PCDHGB5: variants seen among roughly 807,000 people sequenced by gnomAD.
The protein encoded by PCDHGB5 is protocadherin gamma subfamily B, 5.
A neutral mutation model predicts 62.9 loss-of-function variants in PCDHGB5; 48 were observed. That is an observed-to-expected ratio of 0.76 (90% CI 0.61 to 0.97). PCDHGB5 has a LOEUF of 0.97. PCDHGB5 is among the 50% of genes least tolerant of loss of function. The probability of loss-of-function intolerance (pLI) is 0.00; values close to 1 mark genes in which losing one functional copy is unlikely to be tolerated. For missense variants in PCDHGB5, 1,118 were observed against 1,198.6 expected (o/e 0.93, Z 0.99); for synonymous variants, 474 against 511.2 (o/e 0.93, Z 0.98).
At chr5:141,413,385 A>G (rs1328460811) in intron 1 of PCDHGB5, 23 of 1,613,870 alleles carry the variant, frequency 1.4e-5, no homozygotes, top group Non-Finnish European at 1.8e-5. Flanking sequence ...GAGTCCGCAT[A>G]GTCTCCAGAG....
chr5:141,423,758 G>GGGT, intron 1 of PCDHGB5: 1 of 366,842 alleles, frequency 2.7e-6, no homozygotes, highest in Non-Finnish European at 3.8e-6. Context: ...TTTGGGGGGG[G>GGGT]GGTGGGGCGG....
rs1460626002 is a variant in PCDHGB5, at chr5:141,486,935, C to A, written c.2398-7872C>A. ...ACTGCCTCCATCAGTTGGTGCTGGC[C>A]ACCTAATCACAAAGGTGACTGCTGT... On this transcript the variant is annotated intron_variant, in intron 1 of 3. Transcript: ENST00000617380. This position sits in a 1 kb window ranked among gnomAD's most constrained non-coding sequence, Gnocchi z 5.0. 5 of 1,614,228 alleles carry A rather than the reference C, an allele frequency of 3.1e-6. No individual in the cohort carries two copies. The highest frequency in any genetic ancestry group is 4.2e-6 in the Non-Finnish European group (5 of 1,180,038).
chr5:141,485,714 G>C lies in PCDHGB5; in HGVS notation c.2398-9093G>C, dbSNP rs896709540. 6.2e-7 allele frequency: 1 copy of C among 1,614,064 alleles called. No homozygotes were observed. Among genetic ancestry groups the C allele is most frequent in the Non-Finnish European group, 8.5e-7 (1 of 1,180,050 alleles). On this transcript the variant is annotated intron_variant, in intron 1 of 3. Coordinates refer to ENST00000617380, the MANE Select transcript of PCDHGB5 (RefSeq NM_018925.3). The surrounding 1 kb of genome is among the most constrained non-coding windows in gnomAD (Gnocchi z 5.7). The stretch of plus-strand genomic sequence containing the variant: ...GAGCTCCAATGAACACTTTGCACTG[G>C]ATGTGAAGAAGCGCAGCGACGGCAG...
At chr5:141,480,046 A>G (rs919527311) in intron 1 of PCDHGB5, among the ~76,000 whole-genome samples, 1 of 152,206 alleles carries the variant, frequency 6.6e-6, no homozygotes, top group Non-Finnish European at 1.5e-5. Context: ...ATATGCAAAA[A>G]GGGAATAATA....
At chr5:141,423,836 GATA>G (rs752488755) in intron 1 of PCDHGB5, 23 of 1,275,246 alleles carry the variant, frequency 1.8e-5, no homozygotes, top group Non-Finnish European at 2.1e-5. Context: ...ATGAGATTAC[GATA>G]ATCTTTCAGA....
intron 1 of PCDHGB5, chr5:141,404,392 T>C (rs759142051): frequency 3.1e-6 from 5 of 1,613,820 alleles, no homozygotes; most frequent in African/African-American, 1.3e-5. Flanking sequence ...ATGACCCTGA[T>C]AGCAATGAGA....
intron 2 of PCDHGB5, among the ~76,000 whole-genome samples, chr5:141,498,421 A>C (rs1328848787): frequency 6.6e-6 from 1 of 152,016 alleles, no homozygotes; most frequent in Non-Finnish European, 1.5e-5. Flanking sequence ...CTGGCACTGG[A>C]GTGAGGGGAT....
At position 141,490,448 on chromosome 5, in the gene PCDHGB5, A is replaced by C. The variant is rs1309104827; in HGVS notation, c.2398-4359A>C. 1 of 1,614,206 alleles carries C rather than the reference A, an allele frequency of 6.2e-7. No homozygotes were observed. Among genetic ancestry groups the C allele is most frequent in the Admixed American group, 1.7e-5 (1 of 60,030 alleles). ...TTTCAGATTAAGCCTTCTGAGAACC[A>C]CTACTCGCTGCTAACCAGCCAGCCT... is the stretch of plus-strand genomic sequence containing the variant. On this transcript the variant is annotated intron_variant, in intron 1 of 3. Coordinates refer to ENST00000617380, the MANE Select transcript of PCDHGB5 (RefSeq NM_018925.3). This position sits in a 1 kb window ranked among gnomAD's most constrained non-coding sequence, Gnocchi z 5.4.
intron 1 of PCDHGB5, among the ~76,000 whole-genome samples, chr5:141,442,917 G>A (rs1041756930): frequency 6.6e-6 from 1 of 152,178 alleles, no homozygotes; most frequent in Non-Finnish European, 1.5e-5. Context: ...GCACACAACT[G>A]TTTCATTTTC....
chr5:141,450,702 G>T (rs1466981422), intron 1 of PCDHGB5, among the ~76,000 whole-genome samples: 6 of 152,026 alleles, frequency 3.9e-5, no homozygotes, highest in South Asian at 2.1e-4. Flanking sequence ...GCCCAGGATG[G>T]TCTCCAACTC....
intron 1 of PCDHGB5, chr5:141,478,247 G>A (rs1377698933): frequency 1.2e-6 from 2 of 1,614,074 alleles, no homozygotes; most frequent in Admixed American, 3.3e-5. Context: ...CACAGTGTTC[G>A]GAGTAATCAT....
intron 1 of PCDHGB5, among the ~76,000 whole-genome samples, chr5:141,454,658 G>A (rs961640658): frequency 7.2e-5 from 11 of 151,812 alleles, no homozygotes; most frequent in Admixed American, 6.6e-5. Context: ...TGCCCACCTC[G>A]GCCTCCCAAA....
Position 141,485,785 on chromosome 5 carries a change from G to C in PCDHGB5, c.2398-9022G>C. ...TGGAGAAGCCTTTGGATCGAGAGAAGCAATCGGACTACCGCCTGGTGCTGA... is the reference window on the plus strand; with the variant it reads ...TGGAGAAGCCTTTGGATCGAGAGAACCAATCGGACTACCGCCTGGTGCTGA... On this transcript the variant is annotated intron_variant, in intron 1 of 3. Coordinates refer to ENST00000617380, the MANE Select transcript of PCDHGB5 (RefSeq NM_018925.3). The surrounding 1 kb of genome is among the most constrained non-coding windows in gnomAD (Gnocchi z 5.7). The C allele has an allele frequency of 1.2e-6, 2 of 1,614,214 alleles. No individual in the cohort carries two copies. The highest frequency in any genetic ancestry group is 1.7e-6 in the Non-Finnish European group (2 of 1,180,030).
rs1028054307 is a variant in PCDHGB5 at position 141,417,708 on chromosome 5, G to A, written c.2397+17184G>A. The A allele has an allele frequency of 2.4e-5, 29 of 1,227,762 alleles. No homozygotes were observed. In the South Asian group the frequency reaches 2.9e-4, roughly 12 times the overall value. 76.1% of individuals were successfully genotyped at this position (1,227,762 alleles called of 1,614,324 possible). On this transcript the variant is annotated intron_variant, in intron 1 of 3. Transcript: ENST00000617380. ...AAAGAAAACCAGCTCCCACACAGAG[G>A]CTCCCGGCTGCGCAGACCTTGCCCA... is the stretch of plus-strand genomic sequence containing the variant.
intron 2 of PCDHGB5, 30 bp from the exon 3 acceptor site, chr5:141,505,361 AGT>A: frequency 6.2e-7 from 1 of 1,613,910 alleles, no homozygotes; most frequent in Non-Finnish European, 8.5e-7. Context: ...CCGGCCTGGG[AGT>A]CTGTGCTCAC....
At chr5:141,498,321 G>A (rs1477684617) in intron 2 of PCDHGB5, among the ~76,000 whole-genome samples, 2 of 151,722 alleles carry the variant, frequency 1.3e-5, no homozygotes, top group Non-Finnish European at 2.9e-5. Flanking sequence ...CTACACAGAA[G>A]GAAGAGCATT....
chr5:141,501,945 T>C (rs1318749969), intron 2 of PCDHGB5, among the ~76,000 whole-genome samples: 1 of 152,106 alleles, frequency 6.6e-6, no homozygotes, highest in Non-Finnish European at 1.5e-5. Context: ...CACTGCTCCC[T>C]GTGACAGGTC....
chr5:141,492,285 A>T (rs2099739112), intron 1 of PCDHGB5, among the ~76,000 whole-genome samples: 1 of 152,132 alleles, frequency 6.6e-6, no homozygotes, highest in African/African-American at 2.4e-5. Flanking sequence ...CGCCCCGCCA[A>T]CACGTGCGCG....
At chr5:141,441,710 G>A (rs2098266791) in intron 1 of PCDHGB5, 1 of 322,162 alleles carries the variant, frequency 3.1e-6, no homozygotes, top group Non-Finnish European at 6.1e-6. Context: ...TCAAGCTCAC[G>A]CTGCAGGCCC....
Sources: allele counts gnomAD v4.1 joint callset (sites outside exome capture counted in the v4.1 genomes callset), GRCh38; gene constraint gnomAD v4.1.1; non-coding constraint Gnocchi (gnomAD v3.1); transcripts MANE v1.5; gene names NCBI Gene and HGNC (gene_info 2026-07-23, HGNC 2026-07-21).